Variants in TM2D3 observed in about 807,000 individuals in gnomAD.
The protein encoded by TM2D3 is TM2 domain-containing protein 3.
Under a neutral mutation model 27.3 loss-of-function variants are expected in TM2D3, and 33 were observed. The observed-to-expected ratio is 1.21, with a 90% CI of 0.92 to 1.61. The LOEUF (loss-of-function observed/expected upper bound fraction) is 1.61, where lower values mean the gene tolerates loss of function less well. Ranked by LOEUF, TM2D3 falls within the 40% of genes most tolerant of loss-of-function variation. The pLI, the probability that TM2D3 is intolerant of heterozygous loss-of-function variation, is 0.00. For synonymous variants in TM2D3, 138 were observed against 122.2 expected (o/e 1.13, Z -0.85); for missense variants, 364 against 320.8 (o/e 1.13, Z -1.03).
chr15:101,642,558 A>C lies in TM2D3; in HGVS notation c.665T>G (p.Leu222Arg), dbSNP rs976377433. The change falls in exon 6 of 6, where the codon CTG (leucine) becomes CGG (arginine). Residue 222 changes from leucine (L) to arginine (R), a missense_variant. Coordinates refer to ENST00000333202, the MANE Select transcript of TM2D3 (RefSeq NM_078474.3). ...GACGTCTATCAGCGTCCATATTCCC[A>C]GGCCACCGAAGCTGAAGAGCTTGCC... is the stretch of plus-strand genomic sequence containing the variant. ...GLGKLFSFGG[L>R]GIWTLIDVLL... 1 of 1,613,186 alleles carries C rather than the reference A, an allele frequency of 6.2e-7. No homozygotes were observed. The highest frequency in any genetic ancestry group is 1.7e-4 in the Middle Eastern group (1 of 6,054).
rs561466353 is a variant in TM2D3 at position 101,644,476 on chromosome 15, T to C, written c.578+611A>G. Reference sequence around the variant, plus strand: ...GATGAGGCTGAGAAATCCTGCCCTATGGCTGCAATGCTGCAGGCCTCAGGG... The same window carrying C: ...GATGAGGCTGAGAAATCCTGCCCTACGGCTGCAATGCTGCAGGCCTCAGGG... On this transcript the variant is annotated intron_variant, in intron 5 of 5. Coordinates refer to ENST00000333202, the MANE Select transcript of TM2D3 (RefSeq NM_078474.3). 2.6e-3 allele frequency among the ~76,000 whole-genome samples: 403 copies of C among 152,318 alleles called. 6 individuals carry two copies. Among genetic ancestry groups the C allele is most frequent in the Non-Finnish European group, 1.2e-3 (85 of 68,020 alleles).
intron 5 of TM2D3, among the ~76,000 whole-genome samples, chr15:101,643,583 CAGAG>C (rs1404640192): frequency 9.1e-6 from 1 of 109,932 alleles, no homozygotes; most frequent in African/African-American, 3.6e-5. Context: ...GCCTGGGTGA[CAGAG>C]AGAGACTCCG....
At chr15:101,633,316 G>A (rs933071148) in exon 5 of TM2D3, 3 of 217,068 alleles carry the variant, frequency 1.4e-5, no homozygotes, top group African/African-American at 2.3e-5. Context: ...AAAACAACAC[G>A]TTGTGGATGA....
At chr15:101,641,295 T>G (rs1896662472), downstream of TM2D3, among the ~76,000 whole-genome samples, 1 of 102,018 alleles carries the variant, frequency 9.8e-6, no homozygotes, top group Non-Finnish European at 2.4e-5. Context: ...ACAAAACCAG[T>G]TTTTTTTTCT....
At chr15:101,633,880 G>A (rs930420275) in intron 4 of TM2D3, 8 of 573,224 alleles carry the variant, frequency 1.4e-5, no homozygotes, top group African/African-American at 3.7e-5. Context: ...AGGTGCCAGC[G>A]TTGAGAAGAC....
At chr15:101,645,015 C>A (rs1896767362) in intron 5 of TM2D3, 72 bp downstream of exon 5, 2 of 1,313,704 alleles carry the variant, frequency 1.5e-6, no homozygotes. Context: ...GGACTGAGCT[C>A]AATGTCTGAA....
At chr15:101,649,506 C>G (rs1896912195) in intron 3 of TM2D3, among the ~76,000 whole-genome samples, 3 of 152,128 alleles carry the variant, frequency 2.0e-5, no homozygotes, top group African/African-American at 7.2e-5. Context: ...GGAATTTATT[C>G]TGGATAAGAC....
chr15:101,641,158 A>G (rs1443009659), downstream of TM2D3, among the ~76,000 whole-genome samples: 1 of 152,224 alleles, frequency 6.6e-6, no homozygotes, highest in African/African-American at 2.4e-5. Flanking sequence ...CACCTGCTCA[A>G]TCAACAGTTT....
chr15:101,647,364 C>A (rs1329596489), intron 3 of TM2D3, among the ~76,000 whole-genome samples: 1 of 152,138 alleles, frequency 6.6e-6, no homozygotes. Context: ...TGAACTCCAG[C>A]CTGATGCTTC....
Position 101,648,520 on chromosome 15 carries a change from A to G in TM2D3, c.327+1484T>C, listed in dbSNP as rs1246387593. The stretch of plus-strand genomic sequence containing the variant: ...GTACATGGAACACATGTCAAGACAC[A>G]ACAGGAGAGTGAGAAGTGAGCCGGC... On this transcript the variant is annotated intron_variant, in intron 3 of 5. Coordinates refer to ENST00000333202, the MANE Select transcript of TM2D3 (RefSeq NM_078474.3). 2.0e-5 allele frequency among the ~76,000 whole-genome samples: 3 copies of G among 152,352 alleles called. No individual in the cohort carries two copies. In the South Asian group the frequency reaches 6.2e-4, roughly 32 times the overall value.
At chr15:101,639,823 T>C (rs183661589), downstream of TM2D3, among the ~76,000 whole-genome samples, 139 of 152,324 alleles carry the variant, frequency 9.1e-4, no homozygotes, top group Middle Eastern at 0.014. Context: ...ACACAGTCCC[T>C]TCAAAACCTT....
intron 3 of TM2D3, among the ~76,000 whole-genome samples, chr15:101,649,582 C>T (rs570768459): frequency 6.6e-6 from 1 of 152,232 alleles, no homozygotes; most frequent in Non-Finnish European, 1.5e-5. Context: ...AATCCATCTT[C>T]TCACCACAGA....
intron 4 of TM2D3, chr15:101,645,455 C>T (rs1896780518): frequency 2.9e-6 from 1 of 340,232 alleles, no homozygotes; most frequent in Non-Finnish European, 5.3e-6. Context: ...AAAAATCACC[C>T]AATAGGAAAA....
intron 4 of TM2D3, chr15:101,635,607 C>G (rs1896534347): frequency 6.6e-6 from 1 of 152,072 alleles, no homozygotes; most frequent in South Asian, 2.1e-4. Flanking sequence ...TCAACGTTCC[C>G]TGCTTGATGG....
Position 101,649,994 on chromosome 15 carries a change from C to T in TM2D3, c.327+10G>A, listed in dbSNP as rs1224390114. The stretch of plus-strand genomic sequence containing the variant: ...GAATTTATTTAGAATAAGTAAGCTG[C>T]AGTACTTACAACACAGGTAACAGAT... On this transcript the variant is annotated intron_variant, in intron 3 of 5. Transcript: ENST00000333202. 1.4e-5 allele frequency: 22 copies of T among 1,610,680 alleles called. No homozygotes were observed. Among genetic ancestry groups the T allele is most frequent in the Non-Finnish European group, 1.9e-5 (22 of 1,178,188 alleles).
At chr15:101,637,321 C>T (rs1430078361), downstream of TM2D3, among the ~76,000 whole-genome samples, 2 of 152,132 alleles carry the variant, frequency 1.3e-5, no homozygotes, top group African/African-American at 4.8e-5. Context: ...GGAAATGTTT[C>T]TTAGACTGAA....
downstream of TM2D3, among the ~76,000 whole-genome samples, chr15:101,640,665 G>A (rs746610365): frequency 3.3e-5 from 5 of 152,140 alleles, no homozygotes; most frequent in African/African-American, 7.2e-5. Flanking sequence ...TGAGTTCATC[G>A]TTCATAAATT....
downstream of TM2D3, among the ~76,000 whole-genome samples, chr15:101,637,118 G>T (rs1025375967): frequency 6.6e-6 from 1 of 152,206 alleles, no homozygotes; most frequent in African/African-American, 2.4e-5. Context: ...AGGCAGGACA[G>T]CTCGAAGCAG....
downstream of TM2D3, among the ~76,000 whole-genome samples, chr15:101,637,088 C>A (rs1281355032): frequency 6.6e-6 from 1 of 152,220 alleles, no homozygotes; most frequent in Non-Finnish European, 1.5e-5. Flanking sequence ...ATGTAAGATG[C>A]AGACTGGTTC....
Sources: allele counts gnomAD v4.1 joint callset (sites outside exome capture counted in the v4.1 genomes callset), GRCh38; gene constraint gnomAD v4.1.1; transcripts MANE v1.5; gene names NCBI Gene and HGNC (gene_info 2026-07-23, HGNC 2026-07-21).